MNAT1: variants seen among roughly 807,000 people sequenced by gnomAD.
MNAT1 encodes CDK-activating kinase assembly factor MAT1.
MNAT1 carries 43 observed loss-of-function variants against 42.0 expected under a neutral mutation model. The observed-to-expected ratio is 1.02, with a 90% CI of 0.80 to 1.32. The LOEUF is 1.32. MNAT1 is among the 40% of genes most tolerant of loss of function. MNAT1 has a pLI of 0.00. For missense variants in MNAT1, 306 were observed against 350.4 expected (o/e 0.87, Z 1.01); for synonymous variants, 118 against 120.0 (o/e 0.98, Z 0.11).
At chr14:60,940,892 T>TA (rs1410553487) in intron 7 of MNAT1, among the ~76,000 whole-genome samples, 2 of 150,848 alleles carry the variant, frequency 1.3e-5, no homozygotes, top group Admixed American at 6.6e-5. Flanking sequence ...AAGCTCAATT[T>TA]AAAAAAAAAG....
chr14:60,789,244 T>C (rs1201371659), intron 1 of MNAT1, among the ~76,000 whole-genome samples: 2 of 152,136 alleles, frequency 1.3e-5, no homozygotes, highest in African/African-American at 4.8e-5. Context: ...TTGGAGTACA[T>C]ACAACATTTA....
intron 1 of MNAT1, among the ~76,000 whole-genome samples, chr14:60,750,387 C>T (rs565331637): frequency 1.3e-5 from 2 of 151,808 alleles, no homozygotes; most frequent in South Asian, 2.1e-4. Context: ...CCACCACGCC[C>T]GGCCAATCTT....
At chr14:60,769,660 A>T (rs79272751) in intron 1 of MNAT1, among the ~76,000 whole-genome samples, 31 of 151,994 alleles carry the variant, frequency 2.0e-4, no homozygotes, top group African/African-American at 5.1e-4. Context: ...TAAAAAAAAA[A>T]TTTGTTTTTT....
At chr14:60,804,877 G>GCC (rs1330724858) in intron 3 of MNAT1, among the ~76,000 whole-genome samples, 3 of 152,066 alleles carry the variant, frequency 2.0e-5, no homozygotes, top group Admixed American at 6.6e-5. Flanking sequence ...CTATTTCTGG[G>GCC]CTCTATTTAA....
intron 7 of MNAT1, among the ~76,000 whole-genome samples, chr14:60,908,277 A>G (rs2035258461): frequency 6.6e-6 from 1 of 152,108 alleles, no homozygotes; most frequent in African/African-American, 2.4e-5. Context: ...CTATAAAAGG[A>G]AAGCCTCACT....
intron 3 of MNAT1, among the ~76,000 whole-genome samples, chr14:60,801,361 A>C (rs1474816093): frequency 6.6e-6 from 1 of 152,226 alleles, no homozygotes; most frequent in Non-Finnish European, 1.5e-5. Flanking sequence ...GGATTGTATC[A>C]AACTAAAATA....
At chr14:60,801,205 A>G (rs1363997941) in intron 3 of MNAT1, among the ~76,000 whole-genome samples, 1 of 152,040 alleles carries the variant, frequency 6.6e-6, no homozygotes, top group Non-Finnish European at 1.5e-5. Context: ...ACCGAGATAG[A>G]AAAATGTTGA....
chr14:60,859,055 C>G (rs1159131804), intron 6 of MNAT1, among the ~76,000 whole-genome samples: 4 of 152,170 alleles, frequency 2.6e-5, no homozygotes, highest in Admixed American at 2.6e-4. Flanking sequence ...GACAAGGAAT[C>G]TGTAGAGAAG....
intron 7 of MNAT1, among the ~76,000 whole-genome samples, chr14:60,915,804 G>T (rs2035499859): frequency 1.3e-5 from 2 of 152,212 alleles, no homozygotes; most frequent in African/African-American, 4.8e-5. Flanking sequence ...TTAGATTTAA[G>T]TGAAATTCAG....
intron 1 of MNAT1, among the ~76,000 whole-genome samples, chr14:60,790,238 C>A (rs967793093): frequency 2.6e-5 from 4 of 152,082 alleles, no homozygotes; most frequent in Non-Finnish European, 5.9e-5. Flanking sequence ...GGAAATAAAT[C>A]TTGGGACCCC....
chr14:60,939,782 A>G (rs2036099801), intron 7 of MNAT1, among the ~76,000 whole-genome samples: 1 of 151,994 alleles, frequency 6.6e-6, no homozygotes, highest in African/African-American at 2.4e-5. Flanking sequence ...GTTCCTGGAG[A>G]GCCTTGTTAA....
At chr14:60,738,560 T>C (rs1896375808) in intron 1 of MNAT1, among the ~76,000 whole-genome samples, 1 of 151,954 alleles carries the variant, frequency 6.6e-6, no homozygotes, top group South Asian at 2.1e-4. Context: ...CGGCCTGAGA[T>C]GGAGTTTTGC....
At chr14:60,868,867 T>C (rs1360914807) in intron 6 of MNAT1, among the ~76,000 whole-genome samples, 2 of 151,948 alleles carry the variant, frequency 1.3e-5, no homozygotes, top group East Asian at 3.9e-4. Flanking sequence ...ATTTCTTATG[T>C]ACTCTCATAG....
chr14:60,836,277 G>C (rs1408053568), intron 6 of MNAT1, among the ~76,000 whole-genome samples: 2 of 152,088 alleles, frequency 1.3e-5, no homozygotes, highest in Non-Finnish European at 2.9e-5. Flanking sequence ...TTGTTCCCTT[G>C]CTGGTGAGGA....
At chr14:60,910,167 C>T (rs543796606) in intron 7 of MNAT1, among the ~76,000 whole-genome samples, 51 of 152,230 alleles carry the variant, frequency 3.4e-4, no homozygotes, top group East Asian at 3.1e-3. Context: ...TTTTTGTACA[C>T]TGATTTTTTA....
intron 7 of MNAT1, among the ~76,000 whole-genome samples, chr14:60,882,500 T>A (rs1469088172): frequency 6.6e-6 from 1 of 152,348 alleles, no homozygotes; most frequent in Admixed American, 6.5e-5. Flanking sequence ...ACATGTAGAT[T>A]GCTTCCAAAT....
Position 60,918,735 on chromosome 14 carries a change from A to AATATATATATATATATATATATATAT in MNAT1, c.809+38922_809+38923insATATATATATATATATATATATATAT, listed in dbSNP as rs140364759. ...CTTGTTTAATGACTATCCAGATGAG[A>AATATATATATATATATATATATATAT]ATATATATATATATATATATATTTT... On this transcript the variant is annotated intron_variant, in intron 7 of 7. Coordinates refer to ENST00000261245, the MANE Select transcript of MNAT1 (RefSeq NM_002431.4). 2.7e-4 allele frequency among the ~76,000 whole-genome samples: 5 copies of AATATATATATATATATATATATATAT among 18,458 alleles called. No homozygotes were observed. The East Asian group carries it at 0.012, about 43-fold the overall frequency. 12.1% of individuals were successfully genotyped at this position (18,458 alleles called of 152,430 possible). A position where few individuals can be genotyped will look rare whatever the true frequency, so the allele number is the denominator to read the frequency against.
chr14:60,879,771 C>T lies in MNAT1; in HGVS notation c.745C>T (p.Gln249Ter), dbSNP rs759215991. Residue 249 changes from glutamine (Q) to a stop codon, truncating the protein, a stop_gained, in exon 7 of 8, where the codon CAG becomes TAG. Transcript: ENST00000261245. LOFTEE classifies it high-confidence loss of function. ...GCTTGAAGAAGCTCTGTATGAATACCAGCCACTGCAGATAGAGACATATGG... is the reference window on the plus strand; with the variant it reads ...GCTTGAAGAAGCTCTGTATGAATACTAGCCACTGCAGATAGAGACATATGG... ...HKLEEALYEYQPLQIETYGPH... is the reference protein window; with the variant it reads ...HKLEEALYEY 1.2e-6 allele frequency: 2 copies of T among 1,613,086 alleles called. No individual in the cohort carries two copies. Among genetic ancestry groups the T allele is most frequent in the Admixed American group, 1.7e-5 (1 of 59,978 alleles).
chr14:60,783,241 T>A (rs1007661136), intron 1 of MNAT1, among the ~76,000 whole-genome samples: 1 of 152,198 alleles, frequency 6.6e-6, no homozygotes, highest in Non-Finnish European at 1.5e-5. Context: ...TGGCTAGACC[T>A]GTAACATTCT....
Sources: gnomAD v4.1 joint callset for allele counts (sites outside exome capture counted in the v4.1 genomes callset) on GRCh38, gnomAD v4.1.1 for gene constraint, MANE v1.5 for transcripts, NCBI Gene and HGNC (gene_info 2026-07-23, HGNC 2026-07-21) for gene names.